The following TMEM132E variants were observed in gnomAD, a reference collection of about 807,000 sequenced individuals.
TMEM132E encodes transmembrane protein 132E.
Under a neutral mutation model 78.5 loss-of-function variants are expected in TMEM132E, and 49 were observed. The ratio of observed to expected loss-of-function variants is 0.62; its 90% CI spans 0.50 to 0.79. The LOEUF is 0.79. Ranked by LOEUF, TMEM132E falls within the 30% of genes least tolerant of loss-of-function variation. The pLI, the probability that TMEM132E is intolerant of heterozygous loss-of-function variation, is 0.00. For missense variants in TMEM132E, 1,403 were observed against 1,470.9 expected, an observed-to-expected ratio of 0.95 and a Z score of 0.75; for synonymous variants, 715 against 670.6, an observed-to-expected ratio of 1.07 and a Z score of -1.02.
chr17:34,614,418 T>C (rs571009986), intron 1 of TMEM132E: 1 of 152,232 alleles, frequency 6.6e-6, no homozygotes, highest in South Asian at 2.1e-4. Context: ...GGGGTAAGGG[T>C]GAGGGTGGGG....
In TMEM132E at chr17:34,626,711, G is replaced by C; in HGVS notation, c.652G>C (p.Gly218Arg). The C allele has an allele frequency of 1.4e-6, 2 of 1,381,630 alleles. No homozygotes were observed. The highest frequency in any genetic ancestry group is 1.5e-5 in the African/African-American group (1 of 67,664). 85.6% of individuals were successfully genotyped at this position (1,381,630 alleles called of 1,614,324 possible). Residue 218 changes from glycine to arginine, a missense_variant, in exon 2 of 9, where the codon GGG becomes CGG. By Grantham distance (125) the Gly-to-Arg change is moderately radical. Transcript: ENST00000631683. ...CACGGCCCGCCGCAAGTCCCCGGACGGGCTGGAGCCCGAGGCGACGGGGGA... is the reference window on the plus strand; with the variant it reads ...CACGGCCCGCCGCAAGTCCCCGGACCGGCTGGAGCCCGAGGCGACGGGGGA... Reference protein sequence around the residue: ...PPTARRKSPDGLEPEATGESQ... With the variant: ...PPTARRKSPDRLEPEATGESQ...
intron 5 of TMEM132E, among the ~76,000 whole-genome samples, chr17:34,630,693 G>T (rs910250799): frequency 6.6e-6 from 1 of 152,142 alleles, no homozygotes; most frequent in Non-Finnish European, 1.5e-5. Context: ...GTTAGGCCAG[G>T]CATGAAGGTT....
intron 1 of TMEM132E, among the ~76,000 whole-genome samples, chr17:34,618,247 T>C (rs1231310302): frequency 6.6e-6 from 1 of 152,188 alleles, no homozygotes; most frequent in Non-Finnish European, 1.5e-5. Flanking sequence ...TTTTTGTTTG[T>C]TTGTTTTAGA....
chr17:34,610,470 A>G (rs972111717), intron 1 of TMEM132E, among the ~76,000 whole-genome samples: 1 of 152,218 alleles, frequency 6.6e-6, no homozygotes, highest in Non-Finnish European at 1.5e-5. Context: ...ATGCAGAGAA[A>G]AAATACAGAA....
At chr17:34,597,592 T>C (rs779533222) in intron 1 of TMEM132E, among the ~76,000 whole-genome samples, 31 of 152,046 alleles carry the variant, frequency 2.0e-4, no homozygotes, top group Non-Finnish European at 8.8e-5. Flanking sequence ...GGCATGATTC[T>C]TCTTGGGGCA....
chr17:34,600,469 G>T (rs1906202983), intron 1 of TMEM132E, among the ~76,000 whole-genome samples: 1 of 146,812 alleles, frequency 6.8e-6, no homozygotes, highest in African/African-American at 2.5e-5. Flanking sequence ...GTGTGGCAGG[G>T]TGGGGAAAGA....
chr17:34,612,096 C>A (rs1383881382), intron 1 of TMEM132E, among the ~76,000 whole-genome samples: 1 of 152,142 alleles, frequency 6.6e-6, no homozygotes, highest in Non-Finnish European at 1.5e-5. Flanking sequence ...CCCTAGACCC[C>A]CAGAGTTTGC....
intron 6 of TMEM132E, 147 bp from the exon 7 acceptor site, chr17:34,634,652 G>T: frequency 1.1e-6 from 1 of 935,648 alleles, no homozygotes; most frequent in Non-Finnish European, 1.6e-6. Flanking sequence ...CCAACTTAGA[G>T]ATGGAAGGCA....
At chr17:34,633,164 C>T (rs1907408170) in intron 6 of TMEM132E, among the ~76,000 whole-genome samples, 1 of 152,208 alleles carries the variant, frequency 6.6e-6, no homozygotes, top group Non-Finnish European at 1.5e-5. Context: ...ATGTGCATGC[C>T]ACAGAACATG....
Position 34,637,397 on chromosome 17 carries a change from A to G in TMEM132E, c.2390A>G (p.Lys797Arg). The change falls in exon 9 of 9, where the codon AAA becomes AGA. Residue 797 changes from lysine to arginine, a missense_variant. Coordinates refer to ENST00000631683, the MANE Select transcript of TMEM132E (RefSeq NM_001304438.2). ...LTIAESCQKTKRKSVLATTPV... is the reference protein window; with the variant it reads ...LTIAESCQKTRRKSVLATTPV... ...ATCGCTGAGAGCTGCCAGAAAACCAAACGCAAGAGTGTGCTCGCCACGACC... is the reference window on the plus strand; with the variant it reads ...ATCGCTGAGAGCTGCCAGAAAACCAGACGCAAGAGTGTGCTCGCCACGACC... 6.2e-7 allele frequency: 1 copy of G among 1,613,882 alleles called. No individual in the cohort carries two copies. Among genetic ancestry groups the G allele is most frequent in the Non-Finnish European group, 8.5e-7 (1 of 1,180,026 alleles).
intron 1 of TMEM132E, among the ~76,000 whole-genome samples, chr17:34,613,236 T>C (rs1195517019): frequency 7.7e-6 from 1 of 129,514 alleles, no homozygotes; most frequent in Non-Finnish European, 1.7e-5. Flanking sequence ...CGTTCTTACA[T>C]TCTTTTTCCG....
intron 1 of TMEM132E, among the ~76,000 whole-genome samples, chr17:34,584,468 C>T (rs1567709502): frequency 6.6e-6 from 1 of 152,246 alleles, no homozygotes; most frequent in Non-Finnish European, 1.5e-5. Flanking sequence ...TTTTCTAGCA[C>T]TTTTTCCTCA....
chr17:34,597,370 G>A (rs1906096550), intron 1 of TMEM132E, among the ~76,000 whole-genome samples: 1 of 152,118 alleles, frequency 6.6e-6, no homozygotes, highest in South Asian at 2.1e-4. Context: ...CCTTTATAGA[G>A]CCTCATTTAT....
Position 34,631,968 on chromosome 17 carries a change from T to G in TMEM132E, c.1483-736T>G, listed in dbSNP as rs541760615. Among the ~76,000 whole-genome samples, 4 of 152,192 alleles carry G rather than the reference T, an allele frequency of 2.6e-5. No individual in the cohort carries two copies. In the South Asian group the frequency reaches 8.3e-4, roughly 32 times the overall value. On this transcript the variant is annotated intron_variant, in intron 5 of 8. Coordinates refer to ENST00000631683, the MANE Select transcript of TMEM132E (RefSeq NM_001304438.2). ...CTCTGTGAGTGGGCACAGGTATCAA[T>G]GAAGATGTACTCAGCAGGCATGTGG...
intron 1 of TMEM132E, among the ~76,000 whole-genome samples, chr17:34,623,794 C>G (rs1317383045): frequency 6.6e-6 from 1 of 152,202 alleles, no homozygotes; most frequent in East Asian, 1.9e-4. Context: ...AAGCAGGGTC[C>G]AAATGTGGAC....
At chr17:34,595,979 T>C (rs1477481409) in intron 1 of TMEM132E, among the ~76,000 whole-genome samples, 2 of 151,986 alleles carry the variant, frequency 1.3e-5, no homozygotes, top group Non-Finnish European at 2.9e-5. Context: ...TGTGACTGGT[T>C]TTCTTATTTT....
intron 2 of TMEM132E, among the ~76,000 whole-genome samples, chr17:34,627,467 C>CGTGTGCGCGCGCGTGT (rs146318983): frequency 7.9e-6 from 1 of 126,470 alleles, no homozygotes; most frequent in African/African-American, 3.0e-5. Context: ...CCAAAAGAAT[C>CGTGTGCGCGCGCGTGT]GTGTGTGTGT....
At chr17:34,612,789 A>G (rs1304282478) in intron 1 of TMEM132E, among the ~76,000 whole-genome samples, 2 of 151,772 alleles carry the variant, frequency 1.3e-5, no homozygotes, top group Non-Finnish European at 2.9e-5. Context: ...GGAAATCAGG[A>G]GGGCCGGTGG....
chr17:34,629,916 G>A (rs553210624), intron 4 of TMEM132E, 92 bp from the exon 5 acceptor site: 5 of 1,404,160 alleles, frequency 3.6e-6, no homozygotes, highest in Non-Finnish European at 4.8e-6. Context: ...CTGAGGAGTG[G>A]GGGGGGAGCG....
Sources: allele counts gnomAD v4.1 joint callset (sites outside exome capture counted in the v4.1 genomes callset), GRCh38; gene constraint gnomAD v4.1.1; transcripts MANE v1.5; gene names NCBI Gene and HGNC (gene_info 2026-07-23, HGNC 2026-07-21).